Variants in TSHZ2 observed in about 807,000 individuals in gnomAD.
TSHZ2 encodes teashirt homolog 2.
TSHZ2 carries 21 observed loss-of-function variants against 74.4 expected under a neutral mutation model. The observed-to-expected ratio is 0.28, with a 90% CI of 0.20 to 0.41. TSHZ2 has a LOEUF of 0.41. TSHZ2 is among the 10% of genes least tolerant of loss of function. The pLI, the probability that TSHZ2 is intolerant of heterozygous loss-of-function variation, is 1.00. For missense variants in TSHZ2, 1,244 were observed against 1,293.5 expected (o/e 0.96, Z 0.59); for synonymous variants, 540 against 515.3 (o/e 1.05, Z -0.65).
chr20:53,347,186 C>T (rs1240516387), intron 2 of TSHZ2, among the ~76,000 whole-genome samples: 1 of 152,178 alleles, frequency 6.6e-6, no homozygotes, highest in African/African-American at 2.4e-5. Context: ...GAGGCTGGAT[C>T]ATTCTTCGTT....
intron 1 of TSHZ2, among the ~76,000 whole-genome samples, chr20:52,975,733 C>G (rs753005774): frequency 6.6e-6 from 1 of 152,118 alleles, no homozygotes; most frequent in Non-Finnish European, 1.5e-5. Flanking sequence ...ATAGAGGAGA[C>G]AGTTTTTCAT....
At chr20:53,295,609 C>T in intron 2 of TSHZ2, among the ~76,000 whole-genome samples, 1 of 152,112 alleles carries the variant, frequency 6.6e-6, no homozygotes, top group Admixed American at 6.5e-5. Flanking sequence ...AAAGAGGAAA[C>T]TTTAATCACT....
intron 1 of TSHZ2, among the ~76,000 whole-genome samples, chr20:53,132,064 T>A (rs1466515854): frequency 6.6e-6 from 1 of 152,008 alleles, no homozygotes; most frequent in Non-Finnish European, 1.5e-5. Context: ...GAACCTCACA[T>A]GCGCCTCACC....
At chr20:53,230,426 G>T (rs1028783703) in intron 1 of TSHZ2, among the ~76,000 whole-genome samples, 6 of 152,094 alleles carry the variant, frequency 3.9e-5, no homozygotes, top group African/African-American at 1.4e-4. Context: ...CCACCAGGTG[G>T]TGGCTGTGTC....
At chr20:53,140,363 A>G (rs955438686) in intron 1 of TSHZ2, among the ~76,000 whole-genome samples, 8 of 151,658 alleles carry the variant, frequency 5.3e-5, no homozygotes, top group African/African-American at 1.2e-4. Flanking sequence ...ACACGGTGAA[A>G]CCCTGTCTCT....
intron 2 of TSHZ2, among the ~76,000 whole-genome samples, chr20:53,334,845 G>A (rs1979880681): frequency 6.6e-6 from 1 of 152,058 alleles, no homozygotes; most frequent in South Asian, 2.1e-4. Context: ...CACCACGCCT[G>A]GCTAATTTTT....
intron 1 of TSHZ2, among the ~76,000 whole-genome samples, chr20:53,009,192 G>T (rs1357017474): frequency 6.6e-6 from 1 of 151,994 alleles, no homozygotes; most frequent in East Asian, 1.9e-4. Context: ...CAAAAAATTA[G>T]CTGGGCATGG....
chr20:53,477,647 C>T (rs1242884580), intron 2 of TSHZ2, among the ~76,000 whole-genome samples: 13 of 149,314 alleles, frequency 8.7e-5, no homozygotes, highest in Admixed American at 7.4e-4. Context: ...CAACAAAAGA[C>T]AAAATTGACA....
At chr20:53,125,289 G>C (rs898486430) in intron 1 of TSHZ2, among the ~76,000 whole-genome samples, 2 of 152,170 alleles carry the variant, frequency 1.3e-5, no homozygotes, top group African/African-American at 4.8e-5. Flanking sequence ...TCAACAGCAA[G>C]TCCTCCCTGG....
At chr20:53,093,714 CAAG>C (rs1433449536) in intron 1 of TSHZ2, among the ~76,000 whole-genome samples, 1 of 152,210 alleles carries the variant, frequency 6.6e-6, no homozygotes, top group African/African-American at 2.4e-5. Flanking sequence ...CAAAATTCAT[CAAG>C]AACCGTGCCT....
chr20:53,330,723 C>T (rs1979690366), intron 2 of TSHZ2, among the ~76,000 whole-genome samples: 2 of 152,152 alleles, frequency 1.3e-5, no homozygotes, highest in African/African-American at 4.8e-5. Context: ...TGAAATGTGA[C>T]CAGGGAATCA....
At chr20:53,012,439 C>T (rs1982884285) in intron 1 of TSHZ2, among the ~76,000 whole-genome samples, 2 of 152,132 alleles carry the variant, frequency 1.3e-5, no homozygotes, top group Admixed American at 6.6e-5. Context: ...CAGGCCTCTG[C>T]CAACCCAAAT....
chr20:52,975,692 C>T (rs1172374117), intron 1 of TSHZ2, among the ~76,000 whole-genome samples: 1 of 152,070 alleles, frequency 6.6e-6, no homozygotes, highest in African/African-American at 2.4e-5. Context: ...CAGTGAGGGC[C>T]CTCTTACCTT....
At chr20:53,102,131 G>C (rs1986234296) in intron 1 of TSHZ2, among the ~76,000 whole-genome samples, 1 of 152,114 alleles carries the variant, frequency 6.6e-6, no homozygotes, top group Non-Finnish European at 1.5e-5. Flanking sequence ...TTTCCCTCTA[G>C]AATTGTATTT....
At chr20:53,157,957 G>C (rs1229369117) in intron 1 of TSHZ2, among the ~76,000 whole-genome samples, 1 of 151,918 alleles carries the variant, frequency 6.6e-6, no homozygotes, top group East Asian at 1.9e-4. Flanking sequence ...ATTTCAGGTA[G>C]TGAACACTGT....
chr20:53,252,664 T>C (rs773885445), intron 1 of TSHZ2, among the ~76,000 whole-genome samples: 5 of 152,162 alleles, frequency 3.3e-5, no homozygotes, highest in African/African-American at 9.7e-5. Context: ...AAATCAAATA[T>C]ATAATTGGCA....
At chr20:53,305,293 C>G (rs1978483167) in intron 2 of TSHZ2, among the ~76,000 whole-genome samples, 1 of 152,162 alleles carries the variant, frequency 6.6e-6, no homozygotes. Flanking sequence ...CTTTTCTGCC[C>G]CCATCCATCT....
At chr20:53,326,922 C>T (rs766622573) in intron 2 of TSHZ2, among the ~76,000 whole-genome samples, 1 of 152,106 alleles carries the variant, frequency 6.6e-6, no homozygotes, top group Non-Finnish European at 1.5e-5. Context: ...AAAATTAGGT[C>T]CCGTGATACA....
In TSHZ2 at chr20:53,253,797, G is replaced by C. The variant is rs739869; in HGVS notation, c.339G>C (p.Arg113Ser). 171,006 of 1,614,022 alleles carry C rather than the reference G, an allele frequency of 0.11. 9,890 individuals are homozygous for C. The highest frequency in any genetic ancestry group is 0.12 in the Non-Finnish European group (142,792 of 1,179,944). ...ASDKKAHTHV[R>S]LPNEAHNCMD... ...ACAAGAAAGCACACACTCACGTCAG[G>C]CTTCCAAACGAAGCACACAATTGCA... The change falls in exon 2 of 3, where the codon AGG becomes AGC. Residue 113 changes from arginine to serine, a missense_variant. Transcript: ENST00000371497.
Sources: gnomAD v4.1 joint callset for allele counts (sites outside exome capture counted in the v4.1 genomes callset) on GRCh38, gnomAD v4.1.1 for gene constraint, MANE v1.5 for transcripts, NCBI Gene and HGNC (gene_info 2026-07-23, HGNC 2026-07-21) for gene names.